The following COG5 variants were observed in gnomAD, a reference collection of about 807,000 sequenced individuals.
COG5 encodes component of oligomeric golgi complex 5, also known as conserved oligomeric Golgi complex subunit 5.
A neutral mutation model predicts 110.4 loss-of-function variants in COG5; 86 were observed. That is an observed-to-expected ratio of 0.78 (90% confidence interval 0.65 to 0.93). The LOEUF is 0.93. Among genes scored for constraint, COG5 ranks in the 40% least tolerant of loss-of-function variants. The probability of loss-of-function intolerance (pLI) is 0.00; values close to 1 mark genes in which losing one functional copy is unlikely to be tolerated. For synonymous variants in COG5, 360 were observed against 334.6 expected, an observed-to-expected ratio of 1.08 and a Z score of -0.83; for missense variants, 1,077 against 987.0, an observed-to-expected ratio of 1.09 and a Z score of -1.22.
chr7:107,505,750 G>C (rs952513214), intron 6 of COG5, among the ~76,000 whole-genome samples: 1 of 152,182 alleles, frequency 6.6e-6, no homozygotes, highest in African/African-American at 2.4e-5. Flanking sequence ...TCCCGCCTGG[G>C]TTCTTTTGTG....
chr7:107,230,739 G>T, intron 18 of COG5, 48 bp from the exon 19 acceptor site: 1 of 1,407,020 alleles, frequency 7.1e-7, no homozygotes, highest in South Asian at 1.1e-5. Flanking sequence ...GAATCATTAG[G>T]GGAATTTGGG....
At chr7:107,292,643 A>G (rs1012316838) in intron 12 of COG5, among the ~76,000 whole-genome samples, 4 of 152,188 alleles carry the variant, frequency 2.6e-5, no homozygotes, top group African/African-American at 4.8e-5. Context: ...TAGGATTTAA[A>G]AAGTTTTACT....
At chr7:107,407,572 T>C (rs993431483) in intron 7 of COG5, among the ~76,000 whole-genome samples, 1 of 150,284 alleles carries the variant, frequency 6.7e-6, no homozygotes, top group Non-Finnish European at 1.5e-5. Flanking sequence ...ACAAGTGTGA[T>C]AAATAAAATG....
chr7:107,450,585 G>A (rs529278180), intron 6 of COG5, among the ~76,000 whole-genome samples: 2 of 152,220 alleles, frequency 1.3e-5, no homozygotes, highest in East Asian at 1.9e-4. Context: ...TGTCATAAAG[G>A]TCATTTATTA....
intron 5 of COG5, among the ~76,000 whole-genome samples, chr7:107,538,420 G>C (rs1801741251): frequency 6.6e-6 from 1 of 152,048 alleles, no homozygotes; most frequent in South Asian, 2.1e-4. Flanking sequence ...CAGCAACCCA[G>C]TTCTCCAGGA....
chr7:107,247,705 C>T (rs73187332), intron 17 of COG5, among the ~76,000 whole-genome samples: 5,438 of 152,196 alleles, frequency 0.036, 133 homozygotes, highest in Non-Finnish European at 0.055. Context: ...AACCATTTTA[C>T]TCTATTTTAA....
intron 5 of COG5, among the ~76,000 whole-genome samples, chr7:107,538,822 TAA>T (rs1481654197): frequency 6.6e-6 from 1 of 151,090 alleles, no homozygotes; most frequent in South Asian, 2.1e-4. Context: ...TCAAAATAGT[TAA>T]AAAGTAGAAA....
At chr7:107,315,689 G>A (rs1261460994) in intron 11 of COG5, among the ~76,000 whole-genome samples, 1 of 151,786 alleles carries the variant, frequency 6.6e-6, no homozygotes, top group Non-Finnish European at 1.5e-5. Flanking sequence ...GTTACATTGT[G>A]TGTAATCCTC....
chr7:107,385,724 T>C (rs1790136151), intron 7 of COG5, among the ~76,000 whole-genome samples: 1 of 151,500 alleles, frequency 6.6e-6, no homozygotes, highest in South Asian at 2.1e-4. Context: ...CAATGGGGAG[T>C]TATTTAATGA....
Position 107,324,235 on chromosome 7 carries a change from T to C in COG5, c.1108+205A>G, listed in dbSNP as rs903790485. On this transcript the variant is annotated intron_variant, in intron 11 of 21. Transcript: ENST00000297135. ...TGGAGAATTTTATTCTAAATATTAA[T>C]TACTAAAATGTGTAAAAATTTTGTT... 3.9e-5 allele frequency among the ~76,000 whole-genome samples: 6 copies of C among 152,166 alleles called. No homozygotes were observed. In the South Asian group the frequency reaches 1.0e-3, roughly 26 times the overall value.
At chr7:107,534,130 A>T (rs1025015189) in intron 5 of COG5, among the ~76,000 whole-genome samples, 2 of 151,704 alleles carry the variant, frequency 1.3e-5, no homozygotes, top group African/African-American at 4.9e-5. Context: ...AGATTTTATC[A>T]CCACCAGGCT....
chr7:107,204,069 C>T (rs117208289), intron 21 of COG5, among the ~76,000 whole-genome samples: 4 of 152,286 alleles, frequency 2.6e-5, no homozygotes, highest in Non-Finnish European at 4.4e-5. Context: ...TCGGTAACAC[C>T]AGTAGATGCA....
At chr7:107,387,420 T>C (rs1790291409) in intron 7 of COG5, among the ~76,000 whole-genome samples, 1 of 152,240 alleles carries the variant, frequency 6.6e-6, no homozygotes. Flanking sequence ...GCCCACCTGC[T>C]CAGCTCTCCA....
chr7:107,317,970 A>T (rs146552022), intron 11 of COG5, among the ~76,000 whole-genome samples: 1 of 152,332 alleles, frequency 6.6e-6, no homozygotes, highest in African/African-American at 2.4e-5. Context: ...CAATATCGGA[A>T]GATATAATGG....
At chr7:107,482,970 CT>C (rs1797438371) in intron 6 of COG5, among the ~76,000 whole-genome samples, 1 of 152,138 alleles carries the variant, frequency 6.6e-6, no homozygotes, top group African/African-American at 2.4e-5. Flanking sequence ...AGAATTACTT[CT>C]AAAATAAACT....
chr7:107,229,017 C>G (rs1800571513), intron 19 of COG5, among the ~76,000 whole-genome samples: 1 of 151,914 alleles, frequency 6.6e-6, no homozygotes, highest in African/African-American at 2.4e-5. Context: ...GTTATCTTAT[C>G]CTTATTGAGA....
At chr7:107,535,354 CA>C (rs200129484) in intron 5 of COG5, among the ~76,000 whole-genome samples, 1 of 151,016 alleles carries the variant, frequency 6.6e-6, no homozygotes, top group Non-Finnish European at 1.5e-5. Flanking sequence ...AAAAACCCTT[CA>C]AAAAAAATCA....
chr7:107,464,653 C>A (rs533401790), intron 6 of COG5, among the ~76,000 whole-genome samples: 1 of 152,204 alleles, frequency 6.6e-6, no homozygotes, highest in South Asian at 2.1e-4. Context: ...TGGGATTCTA[C>A]CCTATTTATA....
intron 19 of COG5, among the ~76,000 whole-genome samples, chr7:107,227,720 G>A (rs1800457185): frequency 6.6e-6 from 1 of 151,834 alleles, no homozygotes; most frequent in Non-Finnish European, 1.5e-5. Context: ...GGGTGTGGGT[G>A]GTGGGCGGTA....
Sources: allele counts gnomAD v4.1 joint callset (sites outside exome capture counted in the v4.1 genomes callset), GRCh38; gene constraint gnomAD v4.1.1; transcripts MANE v1.5; gene names NCBI Gene and HGNC (gene_info 2026-07-23, HGNC 2026-07-21).